Variants in GALNT14 observed in about 807,000 individuals in gnomAD.
The protein encoded by GALNT14 is UDP-GalNAc:polypeptide N-acetylgalactosaminyltransferase 14.
In GALNT14, 60 loss-of-function variants were observed where a neutral mutation model predicts 77.5. The observed-to-expected ratio is 0.77, with a 90% CI of 0.63 to 0.96. The LOEUF is 0.96. GALNT14 is among the 40% of genes least tolerant of loss of function. The pLI is 0.00. For missense variants in GALNT14, 710 were observed against 731.0 expected (o/e 0.97, Z 0.33); for synonymous variants, 280 against 281.7 (o/e 0.99, Z 0.06).
rs143979482 is a variant in GALNT14 at position 30,911,370 on chromosome 2, C to T, written c.1501-311G>A. Among the ~76,000 whole-genome samples, 5 of 151,830 alleles carry T rather than the reference C, an allele frequency of 3.3e-5. No homozygotes were observed. In the East Asian group the frequency reaches 7.8e-4, roughly 24 times the overall value. On this transcript the variant is annotated intron_variant, in intron 14 of 14. Coordinates refer to ENST00000349752, the MANE Select transcript of GALNT14 (RefSeq NM_024572.4). ...TTAGTCACAGGAGCAACCTAAGAAA[C>T]GATCCACACTCAGCATCTGCACGAT...
chr2:30,981,561 G>A (rs750598267), intron 2 of GALNT14, among the ~76,000 whole-genome samples: 19 of 152,038 alleles, frequency 1.2e-4, no homozygotes, highest in Non-Finnish European at 2.2e-4. Context: ...TGAAGAAATG[G>A]ACAAGGTGGC....
chr2:30,994,831 G>A (rs1262488575), intron 1 of GALNT14, among the ~76,000 whole-genome samples: 2 of 152,180 alleles, frequency 1.3e-5, no homozygotes, highest in Non-Finnish European at 2.9e-5. Flanking sequence ...ATGTGGAGCT[G>A]GAAGGCCCCT....
intron 1 of GALNT14, chr2:31,079,010 A>C (rs1412677882): frequency 1.6e-6 from 2 of 1,287,812 alleles, no homozygotes; most frequent in African/African-American, 3.0e-5. Flanking sequence ...GGCTGCTGAA[A>C]TTGCATTCAG....
intron 6 of GALNT14, among the ~76,000 whole-genome samples, chr2:30,950,575 G>A (rs1299803783): frequency 6.6e-6 from 1 of 152,216 alleles, no homozygotes; most frequent in African/African-American, 2.4e-5. Flanking sequence ...TGTCCCCAAA[G>A]GGCTGGCCCA....
At chr2:31,114,435 G>C (rs1677997079) in intron 1 of GALNT14, among the ~76,000 whole-genome samples, 1 of 152,164 alleles carries the variant, frequency 6.6e-6, no homozygotes, top group Admixed American at 6.5e-5. Flanking sequence ...TTCAATTACA[G>C]CACATGAACA....
intron 1 of GALNT14, among the ~76,000 whole-genome samples, chr2:31,064,443 C>G (rs1018991905): frequency 6.6e-6 from 1 of 152,208 alleles, no homozygotes; most frequent in Non-Finnish European, 1.5e-5. Flanking sequence ...TGTCCCAAAC[C>G]CTGTCCCCGA....
chr2:30,945,500 G>A (rs1666635396), intron 7 of GALNT14, among the ~76,000 whole-genome samples: 2 of 152,218 alleles, frequency 1.3e-5, no homozygotes, highest in African/African-American at 4.8e-5. Flanking sequence ...CAGGCCACAT[G>A]TAGCTGGGAA....
rs576549639 is a variant in GALNT14 at position 31,059,878 on chromosome 2, T to C, written c.130-66871A>G. 9.2e-4 allele frequency among the ~76,000 whole-genome samples: 140 copies of C among 152,336 alleles called. 1 individual carries two copies. Among genetic ancestry groups the C allele is most frequent in the African/African-American group, 3.3e-3 (137 of 41,570 alleles). On this transcript the variant is annotated intron_variant, in intron 1 of 14. Coordinates refer to ENST00000349752, the MANE Select transcript of GALNT14 (RefSeq NM_024572.4). ...CCTTCATAACTGTGAGCAGTACTTC[T>C]GCTGTTTAGAACCCACCTAGTTTAC...
intron 1 of GALNT14, among the ~76,000 whole-genome samples, chr2:31,041,768 G>A (rs1015676058): frequency 6.6e-6 from 1 of 152,118 alleles, no homozygotes; most frequent in Non-Finnish European, 1.5e-5. Context: ...AAGTAGTCAC[G>A]GGAAAAAAGT....
Position 30,944,845 on chromosome 2 carries a change from T to G in GALNT14, c.827+13A>C. 6.3e-7 allele frequency: 1 copy of G among 1,592,858 alleles called. No individual in the cohort carries two copies. The highest frequency in any genetic ancestry group is 8.6e-7 in the Non-Finnish European group (1 of 1,166,268). ...ATGGTCTGCCCACCCCTGCACAGAC[T>G]CTTCCCACTTACCTGATGGGCTCCG... is the stretch of plus-strand genomic sequence containing the variant. On this transcript the variant is annotated intron_variant, in intron 8 of 14. Transcript: ENST00000349752.
chr2:31,048,308 C>T (rs988923630), intron 1 of GALNT14, among the ~76,000 whole-genome samples: 8 of 152,178 alleles, frequency 5.3e-5, no homozygotes, highest in African/African-American at 1.7e-4. Context: ...ATTTGGGGCC[C>T]TGCTGGCTCT....
At chr2:31,057,317 AAAATTATATAT>A (rs1674285246) in intron 1 of GALNT14, among the ~76,000 whole-genome samples, 1 of 139,756 alleles carries the variant, frequency 7.2e-6, no homozygotes, top group Non-Finnish European at 1.5e-5. Flanking sequence ...ATATATATAT[AAAATTATATAT>A]TATATATACA....
intron 1 of GALNT14, among the ~76,000 whole-genome samples, chr2:31,137,202 T>TG (rs748260104): frequency 5.3e-5 from 8 of 152,222 alleles, no homozygotes; most frequent in Non-Finnish European, 8.8e-5. Flanking sequence ...CGGAGAGCCA[T>TG]GGGGAAGTTT....
chr2:30,962,781 C>T (rs940817665), intron 3 of GALNT14, among the ~76,000 whole-genome samples: 2 of 152,078 alleles, frequency 1.3e-5, no homozygotes, highest in Non-Finnish European at 2.9e-5. Context: ...CAAAGCCTGT[C>T]CAGAATTCCA....
At chr2:30,896,610 C>T in the GALNT14 span, among the ~76,000 whole-genome samples, 1 of 152,186 alleles carries the variant, frequency 6.6e-6, no homozygotes, top group African/African-American at 2.4e-5. Flanking sequence ...CAAGCAAGCA[C>T]TGTATAAGTG....
chr2:31,033,918 C>A (rs1432001000), intron 1 of GALNT14, among the ~76,000 whole-genome samples: 1 of 152,222 alleles, frequency 6.6e-6, no homozygotes, highest in African/African-American at 2.4e-5. Flanking sequence ...CAAACCCTCA[C>A]ATTTATCGAG....
At chr2:31,101,568 A>C (rs1184166684) in intron 1 of GALNT14, among the ~76,000 whole-genome samples, 2 of 152,016 alleles carry the variant, frequency 1.3e-5, no homozygotes, top group African/African-American at 2.4e-5. Context: ...AAAAAAATCC[A>C]CTTTTCAAAC....
At chr2:30,967,553 C>A (rs1005500319) in intron 2 of GALNT14, among the ~76,000 whole-genome samples, 1 of 152,116 alleles carries the variant, frequency 6.6e-6, no homozygotes, top group Admixed American at 6.5e-5. Context: ...GAAGGAAGGC[C>A]CCAGGAGCAG....
chr2:31,030,496 T>C (rs1235324065), intron 1 of GALNT14, among the ~76,000 whole-genome samples: 1 of 152,012 alleles, frequency 6.6e-6, no homozygotes, highest in Non-Finnish European at 1.5e-5. Context: ...AAGAAAAATA[T>C]AGGAATTGCA....
Sources: gnomAD v4.1 joint callset for allele counts (sites outside exome capture counted in the v4.1 genomes callset) on GRCh38, gnomAD v4.1.1 for gene constraint, MANE v1.5 for transcripts, NCBI Gene and HGNC (gene_info 2026-07-23, HGNC 2026-07-21) for gene names.